Variants in SH3RF3 observed in about 807,000 individuals in gnomAD.
The protein encoded by SH3RF3 is E3 ubiquitin-protein ligase SH3RF3.
SH3RF3 carries 29 observed loss-of-function variants against 66.3 expected under a neutral mutation model. The observed-to-expected ratio is 0.44, with a 90% CI of 0.33 to 0.60. SH3RF3 has a LOEUF of 0.60. Among genes scored for constraint, SH3RF3 ranks in the 20% least tolerant of loss-of-function variants. The pLI, the probability that SH3RF3 is intolerant of heterozygous loss-of-function variation, is 0.04. For missense variants in SH3RF3, 1,194 were observed against 1,190.9 expected, an observed-to-expected ratio of 1.00 and a Z score of -0.04; for synonymous variants, 583 against 532.0, an observed-to-expected ratio of 1.10 and a Z score of -1.32.
chr2:109,423,594 C>T (rs1676940240), intron 5 of SH3RF3, among the ~76,000 whole-genome samples: 1 of 152,264 alleles, frequency 6.6e-6, no homozygotes, highest in African/African-American at 2.4e-5. Flanking sequence ...GACAATAAGA[C>T]TCGGTAAAAT....
chr2:109,427,237 G>A (rs1677050395), intron 5 of SH3RF3, among the ~76,000 whole-genome samples: 2 of 152,090 alleles, frequency 1.3e-5, no homozygotes, highest in Non-Finnish European at 2.9e-5. Context: ...CCAAAGTGCT[G>A]GGATTACAGG....
At chr2:109,463,280 C>T (rs913062610) in intron 8 of SH3RF3, among the ~76,000 whole-genome samples, 6 of 152,256 alleles carry the variant, frequency 3.9e-5, no homozygotes, top group African/African-American at 9.6e-5. Flanking sequence ...TGATTACTGC[C>T]TTGACTGTGC....
Position 109,297,657 on chromosome 2 carries a change from C to T in SH3RF3, c.574-50017C>T, listed in dbSNP as rs536602159. ...GCCCCATCCCACCAGGCCAGTGTCC[C>T]CCACCCTGGTCAGTGCCTTCCACTG... is the stretch of plus-strand genomic sequence containing the variant. On this transcript the variant is annotated intron_variant, in intron 1 of 9. Coordinates refer to ENST00000309415, the MANE Select transcript of SH3RF3 (RefSeq NM_001099289.3). 2.0e-4 allele frequency among the ~76,000 whole-genome samples: 30 copies of T among 151,764 alleles called. No individual in the cohort carries two copies. In the South Asian group the frequency reaches 5.2e-3, roughly 27 times the overall value.
intron 1 of SH3RF3, among the ~76,000 whole-genome samples, chr2:109,315,282 G>C (rs1681848970): frequency 3.3e-5 from 5 of 152,204 alleles, no homozygotes. Flanking sequence ...GAAACACCCA[G>C]CAATTTAATA....
At chr2:109,491,006 G>T in intron 9 of SH3RF3, 70 bp downstream of exon 9, 1 of 1,353,398 alleles carries the variant, frequency 7.4e-7, no homozygotes, top group South Asian at 1.8e-5. Context: ...GCCACCTTCG[G>T]GGAGCAGGGA....
chr2:109,419,776 A>G (rs1326944376), intron 5 of SH3RF3, 134 bp downstream of exon 5: 5 of 760,020 alleles, frequency 6.6e-6, no homozygotes, highest in South Asian at 3.7e-5. Context: ...ATGTGCGTCT[A>G]ATAACACCGC....
intron 3 of SH3RF3, among the ~76,000 whole-genome samples, chr2:109,387,684 A>T (rs1200249050): frequency 5.9e-5 from 9 of 152,100 alleles, no homozygotes; most frequent in African/African-American, 1.7e-4. Context: ...TCCTCCATGT[A>T]CTTCTCACCA....
At chr2:109,279,338 A>T (rs1290179336) in intron 1 of SH3RF3, among the ~76,000 whole-genome samples, 1 of 152,198 alleles carries the variant, frequency 6.6e-6, no homozygotes, top group Non-Finnish European at 1.5e-5. Context: ...GTGAAGGTTC[A>T]AGCACACTGA....
intron 2 of SH3RF3, among the ~76,000 whole-genome samples, chr2:109,358,773 A>G (rs1327252249): frequency 6.6e-6 from 1 of 152,158 alleles, no homozygotes; most frequent in African/African-American, 2.4e-5. Flanking sequence ...GCAGAGTACA[A>G]ATTACTAATT....
At chr2:109,260,018 A>G (rs1385811401) in intron 1 of SH3RF3, among the ~76,000 whole-genome samples, 1 of 152,088 alleles carries the variant, frequency 6.6e-6, no homozygotes, top group African/African-American at 2.4e-5. Flanking sequence ...ATCTTTTCCA[A>G]GTAGTAATTG....
intron 3 of SH3RF3, among the ~76,000 whole-genome samples, chr2:109,392,622 C>T (rs920743341): frequency 1.8e-4 from 28 of 152,168 alleles, no homozygotes; most frequent in African/African-American, 6.3e-4. Context: ...TCACGCCAGC[C>T]GTTCTCCTGC....
intron 2 of SH3RF3, among the ~76,000 whole-genome samples, chr2:109,371,207 G>A (rs1683263427): frequency 6.6e-6 from 1 of 152,134 alleles, no homozygotes; most frequent in Non-Finnish European, 1.5e-5. Context: ...TGGGCAACAT[G>A]GCAAGACACC....
chr2:109,399,734 G>A (rs1676252911), intron 4 of SH3RF3, among the ~76,000 whole-genome samples: 2 of 152,276 alleles, frequency 1.3e-5, no homozygotes, highest in Non-Finnish European at 2.9e-5. Flanking sequence ...CACAGGGCAG[G>A]AGTTGGGCAA....
At chr2:109,407,108 G>A (rs989952213) in intron 4 of SH3RF3, among the ~76,000 whole-genome samples, 1 of 152,190 alleles carries the variant, frequency 6.6e-6, no homozygotes, top group Non-Finnish European at 1.5e-5. Flanking sequence ...CTCTGGGCAG[G>A]GGCTCTTGCT....
intron 1 of SH3RF3, among the ~76,000 whole-genome samples, chr2:109,210,403 T>A (rs1678946027): frequency 6.6e-6 from 1 of 152,214 alleles, no homozygotes; most frequent in African/African-American, 2.4e-5. Context: ...TGCTCCCTCG[T>A]TTTGTCTGTA....
intron 1 of SH3RF3, among the ~76,000 whole-genome samples, chr2:109,131,064 T>G (rs1290798828): frequency 6.6e-6 from 1 of 152,220 alleles, no homozygotes; most frequent in African/African-American, 2.4e-5. Context: ...AACACAACTT[T>G]ATTCCTCTAC....
chr2:109,242,990 C>T (rs1679823448), intron 1 of SH3RF3, among the ~76,000 whole-genome samples: 1 of 152,224 alleles, frequency 6.6e-6, no homozygotes, highest in Non-Finnish European at 1.5e-5. Context: ...ACTCATGGTT[C>T]TGTTATTCTG....
At chr2:109,406,524 A>G (rs1309458329) in intron 4 of SH3RF3, among the ~76,000 whole-genome samples, 1 of 152,150 alleles carries the variant, frequency 6.6e-6, no homozygotes, top group Non-Finnish European at 1.5e-5. Flanking sequence ...GCTTGGCTCT[A>G]CCATCCTCAC....
intron 4 of SH3RF3, among the ~76,000 whole-genome samples, chr2:109,400,525 C>T (rs1326829081): frequency 6.6e-6 from 1 of 151,776 alleles, no homozygotes; most frequent in Non-Finnish European, 1.5e-5. Context: ...AGGTGCACAC[C>T]TGCAGATACA....
Sources: allele counts gnomAD v4.1 joint callset (sites outside exome capture counted in the v4.1 genomes callset), GRCh38; gene constraint gnomAD v4.1.1; transcripts MANE v1.5; gene names NCBI Gene and HGNC (gene_info 2026-07-23, HGNC 2026-07-21).